NALCN: variants seen among roughly 807,000 people sequenced by gnomAD.
NALCN encodes the protein sodium leak channel, non-selective, also known as sodium leak channel NALCN.
In NALCN, 111 loss-of-function variants were observed where a neutral mutation model predicts 225.3. That is an observed-to-expected ratio of 0.49 (90% confidence interval 0.42 to 0.58). NALCN has a LOEUF of 0.58. NALCN is among the 20% of genes least tolerant of loss of function. NALCN has a pLI of 0.00. For missense variants in NALCN, 1,378 were observed against 2,202.4 expected, an observed-to-expected ratio of 0.63 and a Z score of 7.49; for synonymous variants, 764 against 769.0, an observed-to-expected ratio of 0.99 and a Z score of 0.11.
intron 11 of NALCN, among the ~76,000 whole-genome samples, chr13:101,252,278 C>A (rs2042084192): frequency 6.6e-6 from 1 of 152,120 alleles, no homozygotes; most frequent in African/African-American, 2.4e-5. Flanking sequence ...TCTCTGTTCT[C>A]TGACTTTATA....
chr13:101,126,317 T>C (rs534632597), intron 17 of NALCN, among the ~76,000 whole-genome samples: 6 of 152,216 alleles, frequency 3.9e-5, no homozygotes, highest in African/African-American at 1.4e-4. Flanking sequence ...AAAACCGGAA[T>C]TGGTTTCATT....
intron 3 of NALCN, among the ~76,000 whole-genome samples, chr13:101,384,042 C>G (rs1419953120): frequency 6.6e-6 from 1 of 152,110 alleles, no homozygotes; most frequent in African/African-American, 2.4e-5. Flanking sequence ...GCACATTTAT[C>G]AAATTATCGT....
intron 18 of NALCN, among the ~76,000 whole-genome samples, chr13:101,119,371 T>C (rs542080830): frequency 6.6e-6 from 1 of 152,284 alleles, no homozygotes; most frequent in East Asian, 1.9e-4. Context: ...CAGTTATTAA[T>C]ATAAGTGCAT....
chr13:101,356,554 C>CA (rs371223892), intron 6 of NALCN, among the ~76,000 whole-genome samples: 4,894 of 151,976 alleles, frequency 0.032, 271 homozygotes, highest in African/African-American at 0.11. Flanking sequence ...GCCTACCAAC[C>CA]AAAAAAAGCC....
chr13:101,098,752 C>T (rs1339572362), intron 27 of NALCN, among the ~76,000 whole-genome samples: 9 of 152,092 alleles, frequency 5.9e-5, no homozygotes, highest in Non-Finnish European at 5.9e-5. Flanking sequence ...CTTCAGCCGA[C>T]GTCACCTTCA....
chr13:101,206,982 T>C (rs997727812), intron 13 of NALCN, among the ~76,000 whole-genome samples: 33 of 152,142 alleles, frequency 2.2e-4, no homozygotes, highest in African/African-American at 7.5e-4. Context: ...TTTCAAAATT[T>C]ACTTAGTCAT....
chr13:101,122,429 A>T (rs749825307), intron 18 of NALCN, among the ~76,000 whole-genome samples: 35 of 152,180 alleles, frequency 2.3e-4, no homozygotes, highest in Middle Eastern at 3.4e-3. Flanking sequence ...AATATTATTT[A>T]TTGGCTGTGG....
chr13:101,251,276 TG>T (rs1321784137), intron 11 of NALCN, among the ~76,000 whole-genome samples: 1 of 152,100 alleles, frequency 6.6e-6, no homozygotes, highest in Non-Finnish European at 1.5e-5. Context: ...AATAAATTCA[TG>T]CTTCAATCGA....
At position 101,089,178 on chromosome 13, in the gene NALCN, G is replaced by A. The variant is rs1283528903; in HGVS notation, c.3489+485C>T. 2.0e-5 allele frequency among the ~76,000 whole-genome samples: 3 copies of A among 152,190 alleles called. No homozygotes were observed. Among genetic ancestry groups the A allele is most frequent in the Admixed American group, 6.5e-5 (1 of 15,294 alleles). On this transcript the variant is annotated intron_variant, in intron 30 of 43. Transcript: ENST00000251127. This position sits in a 1 kb window ranked among gnomAD's most constrained non-coding sequence, Gnocchi z 4.7. ...CTCCCAAAGTGCTGGGATTACAGGC[G>A]TGAGCCACCATGCCCTGCCACAAAA...
At chr13:101,347,117 G>A (rs1463719473) in intron 6 of NALCN, among the ~76,000 whole-genome samples, 5 of 148,432 alleles carry the variant, frequency 3.4e-5, no homozygotes, top group East Asian at 2.0e-4. Flanking sequence ...CTGCCACCAC[G>A]CATACACACA....
intron 9 of NALCN, among the ~76,000 whole-genome samples, chr13:101,291,436 G>A (rs549985968): frequency 6.6e-6 from 1 of 152,276 alleles, no homozygotes; most frequent in African/African-American, 2.4e-5. Flanking sequence ...TCTTGGTTTT[G>A]TATCAAAACC....
At chr13:101,371,986 T>C (rs1046396485) in intron 6 of NALCN, among the ~76,000 whole-genome samples, 3 of 152,178 alleles carry the variant, frequency 2.0e-5, no homozygotes, top group Non-Finnish European at 2.9e-5. Context: ...AGATAAAAGA[T>C]GATTAAATAA....
intron 13 of NALCN, among the ~76,000 whole-genome samples, chr13:101,224,342 G>A (rs960761100): frequency 1.3e-5 from 2 of 152,130 alleles, no homozygotes; most frequent in African/African-American, 4.8e-5. Flanking sequence ...ATCAGTTTCT[G>A]ACTGTTCTAT....
intron 3 of NALCN, among the ~76,000 whole-genome samples, chr13:101,383,632 AG>A (rs1451157604): frequency 6.6e-6 from 1 of 152,254 alleles, no homozygotes; most frequent in East Asian, 1.9e-4. Context: ...GTATACAGCA[AG>A]ATGTCAGTTA....
chr13:101,186,875 TAGA>T (rs1372394649), intron 14 of NALCN, among the ~76,000 whole-genome samples: 1 of 152,152 alleles, frequency 6.6e-6, no homozygotes, highest in African/African-American at 2.4e-5. Flanking sequence ...TGTAAACAAT[TAGA>T]AGAAGATATA....
At chr13:101,256,411 G>C (rs1167485248) in intron 11 of NALCN, among the ~76,000 whole-genome samples, 3 of 152,042 alleles carry the variant, frequency 2.0e-5, no homozygotes, top group African/African-American at 7.2e-5. Context: ...CCCCTAACCT[G>C]AAAAAAATCC....
chr13:101,236,715 G>A (rs2041566884), intron 12 of NALCN, among the ~76,000 whole-genome samples: 1 of 141,528 alleles, frequency 7.1e-6, no homozygotes, highest in East Asian at 2.1e-4. Flanking sequence ...ATTGAACAAT[G>A]AGAACACATG....
intron 12 of NALCN, among the ~76,000 whole-genome samples, chr13:101,233,477 A>T (rs1482414637): frequency 6.6e-6 from 1 of 151,716 alleles, no homozygotes; most frequent in Non-Finnish European, 1.5e-5. Flanking sequence ...AGTAGCTGGG[A>T]CTACAGGCGC....
chr13:101,147,652 C>T (rs556021271), intron 15 of NALCN, among the ~76,000 whole-genome samples: 1 of 152,274 alleles, frequency 6.6e-6, no homozygotes, highest in South Asian at 2.1e-4. Flanking sequence ...GATCCTCTTG[C>T]CTCAGCCTCC....
Sources: gnomAD v4.1 joint callset for allele counts (sites outside exome capture counted in the v4.1 genomes callset) on GRCh38, gnomAD v4.1.1 for gene constraint, Gnocchi (gnomAD v3.1) non-coding constraint, MANE v1.5 for transcripts, NCBI Gene and HGNC (gene_info 2026-07-23, HGNC 2026-07-21) for gene names.